The following ZNF678 variants were observed in gnomAD, a reference collection of about 807,000 sequenced individuals.
The protein encoded by ZNF678 is hypothetical protein MGC42493.
Under a neutral mutation model 3.0 loss-of-function variants are expected in ZNF678, and 5 were observed. That is an observed-to-expected ratio of 1.69 (90% CI 0.88 to 3.56). The LOEUF is 3.56. Among genes scored for constraint, ZNF678 ranks in the 30% most tolerant of loss-of-function variants. The pLI, the probability that ZNF678 is intolerant of heterozygous loss-of-function variation, is 0.00. For synonymous variants in ZNF678, 218 were observed against 199.6 expected, an observed-to-expected ratio of 1.09 and a Z score of -0.78; for missense variants, 593 against 605.0, an observed-to-expected ratio of 0.98 and a Z score of 0.21.
intron 1 of ZNF678, among the ~76,000 whole-genome samples, chr1:227,636,420 G>A (rs1243841602): frequency 2.0e-5 from 3 of 152,170 alleles, no homozygotes; most frequent in East Asian, 1.9e-4. Context: ...ATTGCTACAC[G>A]CATTTGGTTT....
intron 1 of ZNF678, among the ~76,000 whole-genome samples, chr1:227,599,770 T>C (rs1224488302): frequency 6.6e-6 from 1 of 152,240 alleles, no homozygotes; most frequent in Non-Finnish European, 1.5e-5. Flanking sequence ...TTCAGCGTGA[T>C]TGTATACACC....
chr1:227,640,813 G>A (rs1190476707), intron 1 of ZNF678, among the ~76,000 whole-genome samples: 1 of 152,070 alleles, frequency 6.6e-6, no homozygotes, highest in Non-Finnish European at 1.5e-5. Flanking sequence ...TTCCCATAAC[G>A]GAGGGTAGGC....
chr1:227,580,566 ACAT>A (rs1657100481), intron 1 of ZNF678, among the ~76,000 whole-genome samples: 1 of 152,130 alleles, frequency 6.6e-6, no homozygotes, highest in Admixed American at 6.5e-5. Flanking sequence ...AAGAACATTA[ACAT>A]CATTCTTTTA....
intron 5 of ZNF678, among the ~76,000 whole-genome samples, chr1:227,673,677 G>C (rs1659636904): frequency 6.6e-6 from 1 of 152,206 alleles, no homozygotes; most frequent in African/African-American, 2.4e-5. Context: ...GAAGCCAGCA[G>C]CTGTGGAAAC....
At chr1:227,605,718 T>C (rs2102754581) in intron 1 of ZNF678, among the ~76,000 whole-genome samples, 1 of 152,316 alleles carries the variant, frequency 6.6e-6, no homozygotes, top group East Asian at 1.9e-4. Flanking sequence ...TGGATATTAT[T>C]AACAGCTTTA....
At chr1:227,570,569 A>G (rs1656812814) in intron 1 of ZNF678, among the ~76,000 whole-genome samples, 1 of 152,214 alleles carries the variant, frequency 6.6e-6, no homozygotes, top group South Asian at 2.1e-4. Flanking sequence ...CCTGGCCTGA[A>G]GCAGCCCTCC....
downstream of ZNF678, among the ~76,000 whole-genome samples, chr1:227,666,034 T>C (rs1558163274): frequency 1.3e-5 from 2 of 152,236 alleles, no homozygotes; most frequent in Non-Finnish European, 2.9e-5. Context: ...TGAGTTATTC[T>C]TTCTAAGAAT....
chr1:227,674,456 T>C (rs190848350), intron 5 of ZNF678, among the ~76,000 whole-genome samples: 1 of 152,248 alleles, frequency 6.6e-6, no homozygotes, highest in Non-Finnish European at 1.5e-5. Context: ...GCAAATAGTA[T>C]AGGACAAAAG....
chr1:227,565,729 A>G (rs995665199), intron 1 of ZNF678, among the ~76,000 whole-genome samples: 4 of 152,196 alleles, frequency 2.6e-5, no homozygotes, highest in Admixed American at 1.3e-4. Context: ...TGGAAACTTT[A>G]CAGCTGGTTG....
chr1:227,651,170 C>A, intron 3 of ZNF678, 94 bp downstream of exon 3: 2 of 1,383,486 alleles, frequency 1.4e-6, no homozygotes, highest in Non-Finnish European at 2.0e-6. Context: ...AGGTTGTTGG[C>A]AGGGTCCACA....
At chr1:227,578,951 G>C (rs1657052680) in intron 1 of ZNF678, among the ~76,000 whole-genome samples, 1 of 152,140 alleles carries the variant, frequency 6.6e-6, no homozygotes, top group Admixed American at 6.5e-5. Context: ...ATTGCCTTGA[G>C]AATTTGATTG....
chr1:227,628,269 G>T (rs1658466227), intron 1 of ZNF678, among the ~76,000 whole-genome samples: 1 of 152,192 alleles, frequency 6.6e-6, no homozygotes, highest in African/African-American at 2.4e-5. Flanking sequence ...TCGGACCTGT[G>T]TAAGGACTTC....
intron 1 of ZNF678, among the ~76,000 whole-genome samples, chr1:227,581,115 TGTA>T (rs1247408008): frequency 3.3e-5 from 5 of 151,906 alleles, no homozygotes; most frequent in Non-Finnish European, 2.9e-5. Context: ...GAATAGAAAA[TGTA>T]GTATGGTTTC....
chr1:227,657,512 C>A lies in ZNF678; in HGVS notation c.*1684C>A, dbSNP rs1659281157. On this transcript the variant is annotated 3_prime_UTR_variant, in exon 4 of 4. Transcript: ENST00000343776. ...ATCTTCAGTATAACCATTATAATTG[C>A]CCACTATAAAGGAGTATAATGAAAG... is the stretch of plus-strand genomic sequence containing the variant. 6.6e-6 allele frequency: 1 copy of A among 151,794 alleles called. No homozygotes were observed. Among genetic ancestry groups the A allele is most frequent in the Non-Finnish European group, 1.5e-5 (1 of 67,852 alleles). 9.4% of individuals were successfully genotyped at this position (151,794 alleles called of 1,614,324 possible).
chr1:227,662,741 C>T (rs1008122647), downstream of ZNF678, among the ~76,000 whole-genome samples: 1 of 152,156 alleles, frequency 6.6e-6, no homozygotes, highest in Non-Finnish European at 1.5e-5. Context: ...ATGTAGGGAA[C>T]CAGCGATATT....
chr1:227,631,167 C>A (rs1373868906), intron 1 of ZNF678, among the ~76,000 whole-genome samples: 1 of 152,152 alleles, frequency 6.6e-6, no homozygotes, highest in African/African-American at 2.4e-5. Context: ...ATAGGGATGC[C>A]AGTACCCCTA....
downstream of ZNF678, chr1:227,662,547 T>G (rs1044175722): frequency 1.3e-5 from 2 of 152,174 alleles, no homozygotes; most frequent in African/African-American, 4.8e-5. Context: ...GCTGGGAAAC[T>G]GCAGGGCCAA....
chr1:227,568,844 T>C (rs1189677230), intron 1 of ZNF678, among the ~76,000 whole-genome samples: 2 of 152,304 alleles, frequency 1.3e-5, no homozygotes, highest in African/African-American at 4.8e-5. Flanking sequence ...ACCAGTGGTG[T>C]TGGAGAACTG....
At chr1:227,645,183 G>A (rs894967743) in intron 1 of ZNF678, among the ~76,000 whole-genome samples, 5 of 152,202 alleles carry the variant, frequency 3.3e-5, no homozygotes, top group African/African-American at 1.2e-4. Context: ...AGGTCCTTCT[G>A]CCTGTGTGTA....
Sources: allele counts gnomAD v4.1 joint callset (sites outside exome capture counted in the v4.1 genomes callset), GRCh38; gene constraint gnomAD v4.1.1; transcripts MANE v1.5; gene names NCBI Gene and HGNC (gene_info 2026-07-23, HGNC 2026-07-21).